MMP26: variants seen among roughly 807,000 people sequenced by gnomAD.
MMP26 encodes matrix metalloproteinase-26.
In MMP26, 33 loss-of-function variants were observed where a neutral mutation model predicts 31.0. The observed-to-expected ratio is 1.06, with a 90% CI of 0.81 to 1.42. The LOEUF (loss-of-function observed/expected upper bound fraction) is 1.42, where lower values mean the gene tolerates loss of function less well. Ranked by LOEUF, MMP26 falls within the 40% of genes most tolerant of loss-of-function variation. The pLI, the probability that MMP26 is intolerant of heterozygous loss-of-function variation, is 0.00. For missense variants in MMP26, 347 were observed against 316.1 expected (o/e 1.10, Z -0.74); for synonymous variants, 122 against 114.9 (o/e 1.06, Z -0.40).
intron 2 of MMP26, among the ~76,000 whole-genome samples, chr11:4,905,526 G>A (rs1287924183): frequency 6.6e-6 from 1 of 152,130 alleles, no homozygotes; most frequent in African/African-American, 2.4e-5. Flanking sequence ...GTTTTCCACT[G>A]AAGGTTGATG....
chr11:4,893,463 TTC>T (rs1470879112), intron 2 of MMP26, among the ~76,000 whole-genome samples: 1 of 152,178 alleles, frequency 6.6e-6, no homozygotes, highest in African/African-American at 2.4e-5. Flanking sequence ...TACTGCTTTC[TTC>T]TCAGCTCAAA....
chr11:4,785,043 GGTGTCAAT>G (rs1304449005), intron 2 of MMP26, among the ~76,000 whole-genome samples: 1 of 152,112 alleles, frequency 6.6e-6, no homozygotes, highest in East Asian at 1.9e-4. Context: ...TTGATAGACA[GGTGTCAAT>G]GTTGCTTGTA....
chr11:4,732,000 C>T (rs1848180046), intron 1 of MMP26, among the ~76,000 whole-genome samples: 1 of 152,254 alleles, frequency 6.6e-6, no homozygotes, highest in African/African-American at 2.4e-5. Flanking sequence ...CTTGGAGAAA[C>T]CACCCACATT....
At position 4,991,406 on chromosome 11, in the gene MMP26, G is replaced by A; in HGVS notation, c.505G>A (p.Gly169Ser). The change falls in exon 6 of 8, where the codon GGT becomes AGT. Residue 169 changes from glycine (G) to serine (S), a missense_variant. Physicochemically the swap from Gly to Ser is moderately conservative, Grantham distance 56 (BLOSUM62 0). Transcript: ENST00000380390. ...EDGWPFDGPGGILGHAFLPNS... is the reference protein window; with the variant it reads ...EDGWPFDGPGSILGHAFLPNS... ...TGGTTGGCCCTTTGATGGGCCAGGT[G>A]GTATCTTAGGCCATGCCTTTTTACC... The A allele has an allele frequency of 6.2e-7, 1 of 1,613,906 alleles. No individual in the cohort carries two copies. Among genetic ancestry groups the A allele is most frequent in the Non-Finnish European group, 8.5e-7 (1 of 1,179,842 alleles).
intron 1 of MMP26, chr11:4,736,326 A>C (rs1276739357): frequency 6.6e-6 from 1 of 152,244 alleles, no homozygotes; most frequent in Non-Finnish European, 1.5e-5. Context: ...GACAAAGCAC[A>C]AACTAATGAG....
intron 2 of MMP26, among the ~76,000 whole-genome samples, chr11:4,893,954 C>A (rs574745542): frequency 0.01 from 1,497 of 146,980 alleles, 19 homozygotes; most frequent in African/African-American, 0.039. Context: ...AAAAAAAAAA[C>A]AAAGTAATAT....
At chr11:4,896,363 T>C (rs1251920215) in intron 2 of MMP26, among the ~76,000 whole-genome samples, 1 of 152,172 alleles carries the variant, frequency 6.6e-6, no homozygotes, top group Non-Finnish European at 1.5e-5. Context: ...TTTCCTCTCA[T>C]GGGACACCAA....
intron 2 of MMP26, among the ~76,000 whole-genome samples, chr11:4,843,253 G>A (rs1025803031): frequency 2.0e-5 from 3 of 152,198 alleles, no homozygotes; most frequent in Admixed American, 1.3e-4. Context: ...GTGCCCCAGT[G>A]GGAACTCTGT....
intron 2 of MMP26, among the ~76,000 whole-genome samples, chr11:4,842,492 T>G (rs755704484): frequency 1.3e-5 from 2 of 152,218 alleles, no homozygotes; most frequent in African/African-American, 4.8e-5. Context: ...CTTCACATGG[T>G]GACGGGAGAG....
intron 1 of MMP26, chr11:4,722,617 G>C: frequency 1.6e-6 from 1 of 610,268 alleles, no homozygotes. Flanking sequence ...TGGGCTGAGG[G>C]CTAGGGCTGA....
intron 2 of MMP26, among the ~76,000 whole-genome samples, chr11:4,815,716 G>A (rs961181276): frequency 6.6e-6 from 1 of 152,106 alleles, no homozygotes; most frequent in African/African-American, 2.4e-5. Context: ...AACCAAGTAT[G>A]AATTAAAACT....
intron 2 of MMP26, among the ~76,000 whole-genome samples, chr11:4,845,046 A>C (rs1310865264): frequency 6.6e-6 from 1 of 152,182 alleles, no homozygotes; most frequent in Admixed American, 6.5e-5. Flanking sequence ...GAACAAATTC[A>C]GTAAATTTGC....
chr11:4,744,620 C>CA (rs993178136), intron 1 of MMP26, among the ~76,000 whole-genome samples: 2 of 152,072 alleles, frequency 1.3e-5, no homozygotes, highest in African/African-American at 4.8e-5. Context: ...CCTCGCCCCA[C>CA]AAAAAAACTT....
intron 2 of MMP26, chr11:4,908,849 A>T (rs1383917357): frequency 6.2e-6 from 1 of 161,250 alleles, no homozygotes; most frequent in African/African-American, 2.4e-5. Context: ...TCTTCTCTAC[A>T]TGATAAATTT....
rs954821267 is a variant in MMP26 at position 4,710,482 on chromosome 11, T to C, written c.-217+5437T>C. On this transcript the variant is annotated intron_variant, in intron 1 of 7. Coordinates refer to ENST00000380390, the MANE Select transcript of MMP26 (RefSeq NM_021801.5). ...AAGACCAAGTAAATTCGCAAGGCTG[T>C]GCTCAAAGCATTTCTTTCTAAGCTA... The C allele has an allele frequency of 3.6e-5, 16 of 439,764 alleles. 1 individual carries two copies. Among genetic ancestry groups the C allele is most frequent in the Non-Finnish European group, 4.6e-6 (1 of 215,418 alleles). 27.2% of individuals were successfully genotyped at this position (439,764 alleles called of 1,614,324 possible).
chr11:4,746,837 A>T (rs1399863281), intron 1 of MMP26, among the ~76,000 whole-genome samples: 2 of 100,880 alleles, frequency 2.0e-5, no homozygotes, highest in East Asian at 2.0e-4. Context: ...TCTGTCACAC[A>T]CACACACACA....
At chr11:4,723,053 A>C (rs945491576) in intron 1 of MMP26, 11 of 1,166,438 alleles carry the variant, frequency 9.4e-6, no homozygotes, top group African/African-American at 6.0e-5. Flanking sequence ...TTTGACTTTC[A>C]TCAGCTCCTG....
At chr11:4,847,149 C>T (rs1042425849) in intron 2 of MMP26, among the ~76,000 whole-genome samples, 1 of 152,210 alleles carries the variant, frequency 6.6e-6, no homozygotes, top group Non-Finnish European at 1.5e-5. Context: ...GCTTTTATCA[C>T]ATCCACTAAC....
intron 2 of MMP26, among the ~76,000 whole-genome samples, chr11:4,775,534 C>A (rs1188791687): frequency 6.6e-6 from 1 of 151,992 alleles, no homozygotes. Flanking sequence ...TATGTTTTAG[C>A]CTGTTTTGTG....
Sources: allele counts gnomAD v4.1 joint callset (sites outside exome capture counted in the v4.1 genomes callset), GRCh38; gene constraint gnomAD v4.1.1; transcripts MANE v1.5; gene names NCBI Gene and HGNC (gene_info 2026-07-23, HGNC 2026-07-21).